The following ATG2B variants were observed in gnomAD, a reference collection of about 807,000 sequenced individuals.
The protein encoded by ATG2B is autophagy related 2B.
Under a neutral mutation model 241.3 loss-of-function variants are expected in ATG2B, and 121 were observed. That is an observed-to-expected ratio of 0.50 (90% confidence interval 0.43 to 0.58). The LOEUF is 0.58. Among genes scored for constraint, ATG2B ranks in the 20% least tolerant of loss-of-function variants. The pLI is 0.00. For missense variants in ATG2B, 2,306 were observed against 2,491.6 expected, an observed-to-expected ratio of 0.93 and a Z score of 1.59; for synonymous variants, 858 against 876.6, an observed-to-expected ratio of 0.98 and a Z score of 0.37.
chr14:96,297,603 G>A (rs1286422785), intron 34 of ATG2B, among the ~76,000 whole-genome samples: 1 of 151,948 alleles, frequency 6.6e-6, no homozygotes, highest in East Asian at 1.9e-4. Flanking sequence ...TCATCATGTT[G>A]GTCAGGCTGA....
rs1888727574 is a variant in ATG2B, at chr14:96,363,124, C to A, written c.-148G>T. On this transcript the variant is annotated 5_prime_UTR_variant, in exon 1 of 42. Coordinates refer to ENST00000359933, the MANE Select transcript of ATG2B (RefSeq NM_018036.7). ...TGGTGCCGGGAGTCCCTCAGGGAGACCCCATCGCCGGCGCCGCACCGCTCG... is the reference window on the plus strand; with the variant it reads ...TGGTGCCGGGAGTCCCTCAGGGAGAACCCATCGCCGGCGCCGCACCGCTCG... 3.5e-6 allele frequency: 3 copies of A among 853,912 alleles called. No individual in the cohort carries two copies. The highest frequency in any genetic ancestry group is 1.7e-5 in the African/African-American group (1 of 58,042). 52.9% of individuals were successfully genotyped at this position (853,912 alleles called of 1,614,324 possible). A position where few individuals can be genotyped will look rare whatever the true frequency, so the allele number is the denominator to read the frequency against.
chr14:96,340,122 TATATATATCATATATGATATATATGA>T (rs1241870753), intron 6 of ATG2B, among the ~76,000 whole-genome samples: 4 of 14,382 alleles, frequency 2.8e-4, no homozygotes, highest in African/African-American at 1.5e-3. Flanking sequence ...TATATATGAA[TATATATATCATATATGATATATATGA>T]ATATATATAT....
chr14:96,306,711 T>A lies in ATG2B; in HGVS notation c.4506+3A>T. 6.2e-7 allele frequency: 1 copy of A among 1,611,570 alleles called. No homozygotes were observed. ...GGCTTCAATAATGTTATTAATTTAT[T>A]ACCTGCATGGCTGCTTTTGGTGCAA... On this transcript the variant is annotated splice_donor_region_variant and intron_variant, in intron 30 of 41. Coordinates refer to ENST00000359933, the MANE Select transcript of ATG2B (RefSeq NM_018036.7).
chr14:96,279,289 G>T lies in ATG2B; in HGVS notation c.*6466C>A, dbSNP rs1886131600. 6.6e-6 allele frequency: 1 copy of T among 152,144 alleles called. No homozygotes were observed. The highest frequency in any genetic ancestry group is 1.5e-5 in the Non-Finnish European group (1 of 68,032). The allele number at this position is 152,144 out of a possible 1,614,324, so 9.4% of individuals were successfully genotyped here. ...AATCAAGAAAACGTGAGCTTACATT[G>T]AATAAAGGACATCTGTAAGTAGTAA... On this transcript the variant is annotated 3_prime_UTR_variant, in exon 42 of 42. Transcript: ENST00000359933.
chr14:96,295,961 A>G (rs899626863), intron 34 of ATG2B, among the ~76,000 whole-genome samples: 5 of 151,776 alleles, frequency 3.3e-5, no homozygotes. Flanking sequence ...TGTGCTGGAC[A>G]CTTTTTTTTT....
chr14:96,355,974 T>C (rs1366010276), intron 1 of ATG2B, among the ~76,000 whole-genome samples: 1 of 151,816 alleles, frequency 6.6e-6, no homozygotes, highest in Admixed American at 6.6e-5. Flanking sequence ...ATGGAGACCA[T>C]CCTGGCTAAC....
At position 96,305,729 on chromosome 14, in the gene ATG2B, C is replaced by G. The variant is rs1886925821; in HGVS notation, c.4593G>C (p.Lys1531Asn). Residue 1531 changes from lysine (K) to asparagine (N), a missense_variant, in exon 31 of 42, where the codon AAG becomes AAC. Lys to Asn is a moderately conservative substitution (Grantham distance 94). Around this residue, in one of 2 missense-constraint regions of ATG2B, gnomAD observed 1,927 missense variants for 2,011.2 expected, o/e 0.96. Transcript: ENST00000359933. ...RDNYFSLPVNKTDTSKAPLHF... is the reference protein window; with the variant it reads ...RDNYFSLPVNNTDTSKAPLHF... ...GTAAGGGGGCTTTGCTCGTATCGGT[C>G]TTATTAACGGGCAGACTGAAATAAT... 1 of 1,614,184 alleles carries G rather than the reference C, an allele frequency of 6.2e-7. No individual in the cohort carries two copies. Among genetic ancestry groups the G allele is most frequent in the East Asian group, 2.2e-5 (1 of 44,868 alleles).
At chr14:96,295,440 C>A in intron 35 of ATG2B, 42 bp downstream of exon 35, 1 of 1,331,832 alleles carries the variant, frequency 7.5e-7, no homozygotes, top group East Asian at 2.3e-5. Flanking sequence ...AAAATCAATC[C>A]AAGTACTTGG....
intron 34 of ATG2B, among the ~76,000 whole-genome samples, chr14:96,299,859 A>G (rs924892128): frequency 6.6e-6 from 1 of 152,242 alleles, no homozygotes; most frequent in African/African-American, 2.4e-5. Context: ...CGGTTAGAAA[A>G]ATAATACTCA....
chr14:96,362,415 G>A lies in ATG2B; in HGVS notation c.162+400C>T, dbSNP rs80275837. ...TAACTAGGGATTCTGACATCCAAAG[G>A]TCCTCTTCATCCTTAATCCTTCCAG... is the stretch of plus-strand genomic sequence containing the variant. On this transcript the variant is annotated intron_variant, in intron 1 of 41. Coordinates refer to ENST00000359933, the MANE Select transcript of ATG2B (RefSeq NM_018036.7). Among the ~76,000 whole-genome samples the A allele has an allele frequency of 3.9e-5, 6 of 152,230 alleles. No homozygotes were observed. The East Asian group carries it at 7.7e-4, about 20-fold the overall frequency.
intron 18 of ATG2B, among the ~76,000 whole-genome samples, chr14:96,321,276 T>A (rs1401386573): frequency 2.0e-5 from 3 of 152,172 alleles, no homozygotes; most frequent in Non-Finnish European, 2.9e-5. Flanking sequence ...TTCTGAAGAT[T>A]AATGGAAACT....
At chr14:96,340,336 G>A (rs551728853) in intron 6 of ATG2B, among the ~76,000 whole-genome samples, 1 of 150,290 alleles carries the variant, frequency 6.7e-6, no homozygotes, top group Non-Finnish European at 1.5e-5. Context: ...AAGAAAATGT[G>A]GTATATATGA....
intron 29 of ATG2B, among the ~76,000 whole-genome samples, chr14:96,309,102 T>G (rs1211970096): frequency 6.6e-6 from 1 of 152,166 alleles, no homozygotes; most frequent in African/African-American, 2.4e-5. Context: ...CTAATAAAAT[T>G]ATCCCAATCC....
chr14:96,308,270 ATATATATATATATTTTT>A (rs1887047130), intron 29 of ATG2B, among the ~76,000 whole-genome samples: 16 of 27,892 alleles, frequency 5.7e-4, no homozygotes, highest in African/African-American at 2.2e-3. Flanking sequence ...ATATATATAT[ATATATATATATATTTTT>A]TTTTTTTTTT....
chr14:96,317,162 C>G lies in ATG2B; in HGVS notation c.3193G>C (p.Val1065Leu). The change falls in exon 20 of 42, where the codon GTG (valine) becomes CTG (leucine). Residue 1065 changes from valine to leucine, a missense_variant. Around this residue, in one of 2 missense-constraint regions of ATG2B, gnomAD observed 1,927 missense variants for 2,011.2 expected, o/e 0.96. Transcript: ENST00000359933. ...AACCTCACCTTCACATCTGTGAACA[C>G]TGCTATTAATCCATGATTAATATTC... ...LLNINHGLIA[V>L]FTDVKQDNGD... The G allele has an allele frequency of 6.2e-7, 1 of 1,611,708 alleles. No individual in the cohort carries two copies. The highest frequency in any genetic ancestry group is 1.1e-5 in the South Asian group (1 of 90,450).
At chr14:96,332,865 A>G (rs1235817016) in intron 8 of ATG2B, among the ~76,000 whole-genome samples, 1 of 152,160 alleles carries the variant, frequency 6.6e-6, no homozygotes, top group African/African-American at 2.4e-5. Context: ...TAAAAAATGA[A>G]GCTACCCTAC....
Position 96,285,841 on chromosome 14 carries a change from A to C in ATG2B, c.6151T>G (p.Ser2051Ala). The change falls in exon 42 of 42, where the codon TCA (serine) becomes GCA (alanine). Residue 2051 changes from serine to alanine, a missense_variant. Ser to Ala is a moderately conservative substitution (Grantham distance 99). Coordinates refer to ENST00000359933, the MANE Select transcript of ATG2B (RefSeq NM_018036.7). This position sits in a 1 kb window ranked among gnomAD's most constrained non-coding sequence, Gnocchi z 4.2. ...KPLIVATEAT[S>A]NVLGGMRNQI... ...TTTCTCATGCCACCCAGCACGTTTGACGTTGCTTCTGTGGCAACAATCAGA... is the reference window on the plus strand; with the variant it reads ...TTTCTCATGCCACCCAGCACGTTTGCCGTTGCTTCTGTGGCAACAATCAGA... The C allele has an allele frequency of 6.2e-7, 1 of 1,614,090 alleles. No homozygotes were observed. The highest frequency in any genetic ancestry group is 8.5e-7 in the Non-Finnish European group (1 of 1,180,020).
Position 96,317,584 on chromosome 14 carries a change from C to T in ATG2B, c.3037+114G>A. The T allele has an allele frequency of 7.3e-6, 7 of 958,764 alleles. No individual in the cohort carries two copies. In the South Asian group the frequency reaches 1.2e-4, roughly 16 times the overall value. 59.4% of individuals were successfully genotyped at this position (958,764 alleles called of 1,614,324 possible). A position where few individuals can be genotyped will look rare whatever the true frequency, so the allele number is the denominator to read the frequency against. ...TCTTATAAATTACTAAAAGAAATTG[C>T]AAAATATAGTTACAATGAAACATAA... On this transcript the variant is annotated intron_variant, in intron 19 of 41. Coordinates refer to ENST00000359933, the MANE Select transcript of ATG2B (RefSeq NM_018036.7).
In ATG2B at chr14:96,331,554, C is replaced by T. The variant is rs1595317540; in HGVS notation, c.1552G>A (p.Val518Met). 1 of 1,614,030 alleles carries T rather than the reference C, an allele frequency of 6.2e-7. No homozygotes were observed. Among genetic ancestry groups the T allele is most frequent in the Non-Finnish European group, 8.5e-7 (1 of 1,179,954 alleles). Residue 518 changes from valine to methionine, a missense_variant, in exon 11 of 42, where the codon GTG becomes ATG. Transcript: ENST00000359933. ...RLAVGTFSISVLHIDPLSPPE... is the reference protein window; with the variant it reads ...RLAVGTFSISMLHIDPLSPPE... ...GGAGATAAAGGATCAATGTGAAGCA[C>T]AGAGATTGAAAAAGTTCCCACAGCT...
Sources: gnomAD v4.1 joint callset for allele counts (sites outside exome capture counted in the v4.1 genomes callset) on GRCh38, gnomAD v4.1.1 for gene constraint, gnomAD v4.1.1 regional missense constraint, Gnocchi (gnomAD v3.1) non-coding constraint, MANE v1.5 for transcripts, NCBI Gene and HGNC (gene_info 2026-07-23, HGNC 2026-07-21) for gene names.